Variants in PEX6 observed in about 807,000 individuals in gnomAD.
PEX6 encodes peroxisome biogenesis factor 6.
Under a neutral mutation model 85.6 loss-of-function variants are expected in PEX6, and 55 were observed. The ratio of observed to expected loss-of-function variants is 0.64; its 90% confidence interval spans 0.52 to 0.80. The LOEUF (loss-of-function observed/expected upper bound fraction) is 0.80. Ranked by LOEUF, PEX6 falls within the 30% of genes least tolerant of loss-of-function variation. The pLI is 0.00. For synonymous variants in PEX6, 519 were observed against 549.1 expected (o/e 0.95, Z 0.77); for missense variants, 1,099 against 1,260.3 (o/e 0.87, Z 1.94).
At position 42,968,983 on chromosome 6, in the gene PEX6, C is replaced by A. The variant is rs752494573; in HGVS notation, c.1370G>T (p.Gly457Val). The A allele has an allele frequency of 5.6e-6, 9 of 1,607,628 alleles. No individual in the cohort carries two copies. Among genetic ancestry groups the A allele is most frequent in the Non-Finnish European group, 6.8e-6 (8 of 1,174,332 alleles). ...ACTGCTAGTTCCTGTCAGCAGGGCA[C>A]CCCTGCAACCAGAGAACAGACATTC... The part of the protein sequence containing the change: ...AVLKPRLQPG[G>V]ALLTGTSSVL... The change falls in exon 6 of 17, where the codon GGT becomes GTT. Residue 457 changes from glycine (G) to valine (V), a missense_variant and splice_region_variant. By Grantham distance (109) the Gly-to-Val change is moderately radical. This residue lies in a region of PEX6 where 579 missense variants were observed against 611.6 expected (regional missense o/e 0.95). Coordinates refer to ENST00000304611, the MANE Select transcript of PEX6 (RefSeq NM_000287.4).
chr6:42,964,398 G>A lies in PEX6; in HGVS notation c.2880C>T (p.Pro960=). The A allele has an allele frequency of 6.2e-7, 1 of 1,613,876 alleles. No homozygotes were observed. Among genetic ancestry groups the A allele is most frequent in the Non-Finnish European group, 8.5e-7 (1 of 1,180,018 alleles). ...DLLQAAARLQ[P]SVSEQELLRY... is the part of the protein sequence containing the mutation. ...GGAGCAGCTCCTGCTCACTGACTGA[G>A]GGTTGCAGCCGGGCGGCAGCCTGCA... The change falls in exon 17 of 17, where the codon CCC becomes CCT. Residue 960 remains proline (P), a synonymous_variant. Transcript: ENST00000304611. This position sits in a 1 kb window ranked among gnomAD's most constrained non-coding sequence, Gnocchi z 4.6.
In PEX6 at chr6:42,969,935, C is replaced by T. The variant is rs755139673; in HGVS notation, c.1183G>A (p.Gly395Arg). The T allele has an allele frequency of 3.1e-6, 5 of 1,614,100 alleles. No homozygotes were observed. In the South Asian group the frequency reaches 4.4e-5, roughly 14 times the overall value. ...VKKTVGEAPD[G>R]PASAYLADTT... Reference sequence around the variant, plus strand: ...TCGGCCAAGTAGGCACTGGCTGGTCCATCTGGAGCTTCCCCAACTGTTTTC... The same window carrying T: ...TCGGCCAAGTAGGCACTGGCTGGTCTATCTGGAGCTTCCCCAACTGTTTTC... The change falls in exon 4 of 17, where the codon GGA (glycine) becomes AGA (arginine). Residue 395 changes from glycine to arginine, a missense_variant. Gly to Arg is a moderately radical substitution (Grantham distance 125). Transcript: ENST00000304611.
At chr6:42,974,303 C>T (rs758155505) in intron 2 of PEX6, among the ~76,000 whole-genome samples, 5 of 152,116 alleles carry the variant, frequency 3.3e-5, no homozygotes, top group African/African-American at 1.2e-4. Flanking sequence ...AGTGGCAGAG[C>T]AGGATCCTGG....
At position 42,974,988 on chromosome 6, in the gene PEX6, C is replaced by T. The variant is rs749452099; in HGVS notation, c.933G>A (p.Leu311=). The change falls in exon 2 of 17, where the codon TTG becomes TTA. Residue 311 remains leucine (L), a synonymous_variant. Coordinates refer to ENST00000304611, the MANE Select transcript of PEX6 (RefSeq NM_000287.4). The part of the protein sequence containing the change: ...IAPEDKGSCS[L]LPGPPFAREL... ...CTCTGGCAAATGGAGGCCCAGGCAG[C>T]AATGAGCAGCTTCCTTTGTCTTCAG... 6.2e-7 allele frequency: 1 copy of T among 1,613,730 alleles called. No homozygotes were observed. Among genetic ancestry groups the T allele is most frequent in the South Asian group, 1.1e-5 (1 of 91,068 alleles).
rs374051182 is a variant in PEX6 at position 42,969,697 on chromosome 6, A to T, written c.1338T>A (p.Cys446Ter). 1 of 1,613,104 alleles carries T rather than the reference A, an allele frequency of 6.2e-7. No homozygotes were observed. The highest frequency in any genetic ancestry group is 8.5e-7 in the Non-Finnish European group (1 of 1,180,014). Residue 446 changes from cysteine to a stop codon, truncating the protein, a stop_gained, in exon 5 of 17, where the codon TGT becomes TGA. Coordinates refer to ENST00000304611, the MANE Select transcript of PEX6 (RefSeq NM_000287.4). LOFTEE classifies it high-confidence loss of function. ...PGLEALVSEL[C>*]AVLKPRLQPG... ...GCTGGAGGCGAGGCTTCAGGACAGC[A>T]CAGAGTTCAGACACCAAGGCCTCCA...
intron 3 of PEX6, among the ~76,000 whole-genome samples, chr6:42,972,509 G>A (rs373467775): frequency 1.3e-5 from 2 of 152,152 alleles, no homozygotes; most frequent in East Asian, 1.9e-4. Flanking sequence ...GGTGGCTCAC[G>A]CCTGTAATCC....
At position 42,969,811 on chromosome 6, in the gene PEX6, G is replaced by A. The variant is rs370661410; in HGVS notation, c.1234-10C>T. 10 of 1,613,234 alleles carry A rather than the reference G, an allele frequency of 6.2e-6. No homozygotes were observed. The African/African-American group carries it at 1.1e-4, about 17-fold the overall frequency. On this transcript the variant is annotated splice_polypyrimidine_tract_variant and intron_variant, in intron 4 of 16. Coordinates refer to ENST00000304611, the MANE Select transcript of PEX6 (RefSeq NM_000287.4). ...TCAGGGTAGAACCCACCTGTGAAAG[G>A]TAATAAAAAGCTTTCGTTTCTAAAA... is the stretch of plus-strand genomic sequence containing the variant.
At chr6:42,973,319 T>C (rs1212732561) in intron 3 of PEX6, among the ~76,000 whole-genome samples, 1 of 132,832 alleles carries the variant, frequency 7.5e-6, no homozygotes, top group Non-Finnish European at 1.6e-5. Flanking sequence ...GCCTAAACTC[T>C]TCTTAGTGCT....
chr6:42,975,683 T>C (rs1770262157), intron 1 of PEX6, among the ~76,000 whole-genome samples: 2 of 151,964 alleles, frequency 1.3e-5, no homozygotes, highest in South Asian at 2.1e-4. Context: ...CAAAGAAATG[T>C]AGCTAAAGCA....
At chr6:42,969,647 T>C (rs370022650) in intron 5 of PEX6, 21 bp downstream of exon 5, 1 of 1,611,948 alleles carries the variant, frequency 6.2e-7, no homozygotes, top group African/African-American at 1.3e-5. Context: ...TCTCACACCC[T>C]GGGGTGATGA....
chr6:42,974,060 C>T lies in PEX6; in HGVS notation c.1073G>A (p.Cys358Tyr). Reference protein sequence around the residue: ...PRVVQEGDVLCVPTIGQVEIL... With the variant: ...PRVVQEGDVLYVPTIGQVEIL... ...CTCTACTTGCCCAATTGTTGGCACACATAGAACATCCCCTTCCTGGACTAC... is the reference window on the plus strand; with the variant it reads ...CTCTACTTGCCCAATTGTTGGCACATATAGAACATCCCCTTCCTGGACTAC... Residue 358 changes from cysteine (C) to tyrosine (Y), a missense_variant, in exon 3 of 17, where the codon TGT becomes TAT. Cys to Tyr is a radical substitution (Grantham distance 194). This residue lies in a region of PEX6 where 579 missense variants were observed against 611.6 expected (regional missense o/e 0.95). Coordinates refer to ENST00000304611, the MANE Select transcript of PEX6 (RefSeq NM_000287.4). The T allele has an allele frequency of 6.2e-7, 1 of 1,614,046 alleles. No individual in the cohort carries two copies. Among genetic ancestry groups the T allele is most frequent in the Non-Finnish European group, 8.5e-7 (1 of 1,179,932 alleles).
intron 5 of PEX6, 148 bp from the exon 6 acceptor site, chr6:42,969,133 T>C: frequency 1.5e-6 from 1 of 663,382 alleles, no homozygotes; most frequent in Non-Finnish European, 2.7e-6. Context: ...TGTCCCCATG[T>C]AGTGAGGCTG....
chr6:42,967,267 G>A (rs1291464341), intron 8 of PEX6, 101 bp downstream of exon 8: 14 of 1,200,662 alleles, frequency 1.2e-5, no homozygotes, highest in African/African-American at 9.0e-5. Flanking sequence ...CGGCGCCCGC[G>A]CTGGGTTTTC....
Position 42,978,709 on chromosome 6 carries a change from G to A in PEX6, c.442C>T (p.Leu148=), listed in dbSNP as rs1423134086. ...VLETRPALQG[L]LGPGTRLAVT... ...GCCAGCCGAGTCCCTGGGCCCAGCAGCCCTTGCAACGCCGGCCGCGTCTCC... is the reference window on the plus strand; with the variant it reads ...GCCAGCCGAGTCCCTGGGCCCAGCAACCCTTGCAACGCCGGCCGCGTCTCC... The change falls in exon 1 of 17, where the codon CTG becomes TTG. Residue 148 remains leucine, a synonymous_variant. Transcript: ENST00000304611. 2 of 1,544,204 alleles carry A rather than the reference G, an allele frequency of 1.3e-6. No homozygotes were observed. Among genetic ancestry groups the A allele is most frequent in the East Asian group, 2.4e-5 (1 of 41,530 alleles).
intron 1 of PEX6, among the ~76,000 whole-genome samples, chr6:42,976,330 A>AC (rs1561828891): frequency 6.6e-6 from 1 of 152,080 alleles, no homozygotes. Context: ...TTAATTAAAC[A>AC]CTATACTGTA....
chr6:42,965,222 G>C lies in PEX6; in HGVS notation c.2588+30C>G, dbSNP rs1769719843. 6.2e-7 allele frequency: 1 copy of C among 1,606,590 alleles called. No individual in the cohort carries two copies. The highest frequency in any genetic ancestry group is 8.5e-7 in the Non-Finnish European group (1 of 1,173,118). On this transcript the variant is annotated intron_variant, in intron 14 of 16. Coordinates refer to ENST00000304611, the MANE Select transcript of PEX6 (RefSeq NM_000287.4). The surrounding 1 kb of genome is among the most constrained non-coding windows in gnomAD (Gnocchi z 5.0). ...GAGGGGTGAAGGAGGCACAAAATGAGGGTGGAGATGAGCAGTACAAGGGGC... is the reference window on the plus strand; with the variant it reads ...GAGGGGTGAAGGAGGCACAAAATGACGGTGGAGATGAGCAGTACAAGGGGC...
Position 42,971,869 on chromosome 6 carries a change from T to C in PEX6, c.1131-1882A>G, listed in dbSNP as rs1770063905. Reference sequence around the variant, plus strand: ...GAAAGTACAAAGAGTGGGCATTCTGTAGTTTTCCTACTGAAAGCTAGCTCA... The same window carrying C: ...GAAAGTACAAAGAGTGGGCATTCTGCAGTTTTCCTACTGAAAGCTAGCTCA... On this transcript the variant is annotated intron_variant, in intron 3 of 16. Coordinates refer to ENST00000304611, the MANE Select transcript of PEX6 (RefSeq NM_000287.4). This position sits in a 1 kb window ranked among gnomAD's most constrained non-coding sequence, Gnocchi z 4.4. Among the ~76,000 whole-genome samples, 1 of 152,264 alleles carries C rather than the reference T, an allele frequency of 6.6e-6. No individual in the cohort carries two copies.
chr6:42,976,545 T>C (rs995783464), intron 1 of PEX6, among the ~76,000 whole-genome samples: 1 of 152,056 alleles, frequency 6.6e-6, no homozygotes, highest in African/African-American at 2.4e-5. Context: ...GTATTTTTAG[T>C]AGAGATGAGG....
chr6:42,974,975 G>C lies in PEX6; in HGVS notation c.946C>G (p.Pro316Ala), dbSNP rs1200072500. Residue 316 changes from proline to alanine, a missense_variant, in exon 2 of 17, where the codon CCA becomes GCA. By Grantham distance (27) the Pro-to-Ala change is conservative. This residue lies in a region of PEX6 where 579 missense variants were observed against 611.6 expected (regional missense o/e 0.95). Transcript: ENST00000304611. The part of the protein sequence containing the change: ...KGSCSLLPGP[P>A]FARELHIEIV... Reference sequence around the variant, plus strand: ...TCGATGTGTAACTCTCTGGCAAATGGAGGCCCAGGCAGCAATGAGCAGCTT... The same window carrying C: ...TCGATGTGTAACTCTCTGGCAAATGCAGGCCCAGGCAGCAATGAGCAGCTT... The C allele has an allele frequency of 2.5e-6, 4 of 1,613,760 alleles. No homozygotes were observed. Among genetic ancestry groups the C allele is most frequent in the Admixed American group, 1.7e-5 (1 of 60,010 alleles).
Sources: gnomAD v4.1 joint callset for allele counts (sites outside exome capture counted in the v4.1 genomes callset) on GRCh38, gnomAD v4.1.1 for gene constraint, gnomAD v4.1.1 regional missense constraint, Gnocchi (gnomAD v3.1) non-coding constraint, MANE v1.5 for transcripts, NCBI Gene and HGNC (gene_info 2026-07-23, HGNC 2026-07-21) for gene names.